Variants in CNKSR2 observed in about 807,000 individuals in gnomAD.
The protein encoded by CNKSR2 is connector enhancer of kinase suppressor of Ras 2, also known as CNK homolog protein 2.
CNKSR2 carries 14 observed loss-of-function variants against 84.4 expected under a neutral mutation model. The ratio of observed to expected loss-of-function variants is 0.17; its 90% CI spans 0.11 to 0.26. CNKSR2 has a LOEUF of 0.26. Among genes scored for constraint, CNKSR2 ranks in the 10% least tolerant of loss-of-function variants. CNKSR2 has a pLI of 1.00. For missense variants in CNKSR2, 485 were observed against 771.2 expected (o/e 0.63, Z 4.40); for synonymous variants, 275 against 277.9 (o/e 0.99, Z 0.10).
At chrX:21,562,183 G>A (rs1406464485) in intron 12 of CNKSR2, among the ~76,000 whole-genome samples, 2 of 111,138 alleles carry the variant, frequency 1.8e-5, no homozygotes, top group Non-Finnish European at 3.8e-5. Context: ...GCAACTGAAA[G>A]TTTCCCTACT....
chrX:21,454,768 G>GT (rs772523454), intron 4 of CNKSR2, among the ~76,000 whole-genome samples: 1 of 112,003 alleles, frequency 8.9e-6, no homozygotes, highest in East Asian at 2.8e-4. Flanking sequence ...AGGTACATCT[G>GT]TTTGTATAAT....
chrX:21,517,733 A>T (rs2091742666), intron 9 of CNKSR2, among the ~76,000 whole-genome samples: 1 of 111,261 alleles, frequency 9.0e-6, no homozygotes, highest in Non-Finnish European at 1.9e-5. Flanking sequence ...TTAAAAAAAA[A>T]TAGGCCCATT....
intron 1 of CNKSR2, among the ~76,000 whole-genome samples, chrX:21,419,162 C>G (rs1180862142): frequency 9.2e-6 from 1 of 108,594 alleles, no homozygotes. Flanking sequence ...TCTGCTTGAC[C>G]AAATCTGCTG....
intron 1 of CNKSR2, among the ~76,000 whole-genome samples, chrX:21,388,671 G>A (rs1425597559): frequency 1.8e-5 from 2 of 111,699 alleles, no homozygotes; most frequent in African/African-American, 3.3e-5. Flanking sequence ...CTGATAGATA[G>A]AAATGTCTAG....
At chrX:21,410,366 G>C (rs1420346338) in intron 1 of CNKSR2, among the ~76,000 whole-genome samples, 1 of 111,126 alleles carries the variant, frequency 9.0e-6, no homozygotes, top group African/African-American at 3.3e-5. Context: ...ATTATTTTGA[G>C]AAAGTCTTAT....
At chrX:21,603,292 A>G (rs1248221238) in intron 18 of CNKSR2, among the ~76,000 whole-genome samples, 1 of 112,336 alleles carries the variant, frequency 8.9e-6, no homozygotes, top group African/African-American at 3.2e-5. Context: ...TCAGAAACAT[A>G]TTAGACTTCT....
At chrX:21,417,341 T>A (rs754498631) in intron 1 of CNKSR2, among the ~76,000 whole-genome samples, 2 of 112,268 alleles carry the variant, frequency 1.8e-5, no homozygotes, top group East Asian at 5.6e-4. Context: ...TAACATGGTC[T>A]GTCTTTGAGA....
At chrX:21,590,790 C>A (rs373918783) in intron 14 of CNKSR2, 170 bp downstream of exon 14, 1 of 487,018 alleles carries the variant, frequency 2.1e-6, no homozygotes, top group East Asian at 3.7e-5. Flanking sequence ...ATACAAGGTA[C>A]CTTTTACAAC....
chrX:21,556,887 A>G (rs1312171510), intron 11 of CNKSR2, among the ~76,000 whole-genome samples: 1 of 110,479 alleles, frequency 9.1e-6, no homozygotes, highest in Non-Finnish European at 1.9e-5. Flanking sequence ...AAATTACAGC[A>G]TGTTTATATG....
chrX:21,433,221 C>T (rs748946594), intron 3 of CNKSR2, among the ~76,000 whole-genome samples: 1 of 111,681 alleles, frequency 9.0e-6, no homozygotes, highest in South Asian at 3.7e-4. Context: ...TAGACACTGA[C>T]ACCTTCATAG....
At chrX:21,625,038 A>G (rs1262545679) in intron 20 of CNKSR2, among the ~76,000 whole-genome samples, 1 of 112,052 alleles carries the variant, frequency 8.9e-6, no homozygotes, top group Non-Finnish European at 1.9e-5. Flanking sequence ...AAGCCATTTA[A>G]TTTACCCACT....
intron 5 of CNKSR2, among the ~76,000 whole-genome samples, chrX:21,483,334 C>T (rs1601846954): frequency 9.1e-6 from 1 of 110,402 alleles, no homozygotes; most frequent in East Asian, 2.9e-4. Flanking sequence ...CCAAACACTG[C>T]ATGTTCTCAC....
chrX:21,404,484 TA>T (rs905310279), intron 1 of CNKSR2, among the ~76,000 whole-genome samples: 1 of 110,540 alleles, frequency 9.0e-6, no homozygotes, highest in Admixed American at 9.7e-5. Flanking sequence ...TTATGTAATT[TA>T]AAAAAATGTG....
intron 20 of CNKSR2, among the ~76,000 whole-genome samples, chrX:21,618,305 T>TTAA (rs1241145314): frequency 5.4e-5 from 6 of 111,591 alleles, no homozygotes; most frequent in Non-Finnish European, 1.1e-4. Flanking sequence ...CTTGGCCTAA[T>TTAA]ATTTGGTCTT....
rs2092724540 is a variant in CNKSR2 at position 21,653,054 on chromosome X, TAGA to T, written c.*537_*539del. On this transcript the variant is annotated 3_prime_UTR_variant, in exon 22 of 22. Coordinates refer to ENST00000379510, the MANE Select transcript of CNKSR2 (RefSeq NM_014927.5). ...ATGCGCATACAAGAGCTAAGCAAAATAGAAGAGCATCGACATAAGAAAAGTTCA... is the reference window on the plus strand; with the variant it reads ...ATGCGCATACAAGAGCTAAGCAAAATAGAGCATCGACATAAGAAAAGTTCA... The T allele has an allele frequency of 1.8e-5, 2 of 112,258 alleles. No individual in the cohort carries two copies. The highest frequency in any genetic ancestry group is 1.9e-4 in the Admixed American group (2 of 10,590). The allele number at this position is 112,258 out of a possible 1,213,427, so 9.3% of individuals were successfully genotyped here. A position where few individuals can be genotyped will look rare whatever the true frequency, so the allele number is the denominator to read the frequency against.
intron 13 of CNKSR2, among the ~76,000 whole-genome samples, chrX:21,590,220 T>C (rs2092412201): frequency 8.9e-6 from 1 of 111,910 alleles, no homozygotes; most frequent in East Asian, 2.8e-4. Context: ...CTTACTTCAT[T>C]AGATTTTGTG....
intron 11 of CNKSR2, among the ~76,000 whole-genome samples, chrX:21,542,791 C>T (rs2091987665): frequency 8.9e-6 from 1 of 111,804 alleles, no homozygotes; most frequent in Non-Finnish European, 1.9e-5. Flanking sequence ...ACAATAATAT[C>T]ACCAAATAGT....
Position 21,426,459 on chromosome X carries a change from A to G in CNKSR2, c.65-38A>G, listed in dbSNP as rs1175006587. ...CCCTTCACATTTATTTGGTTTGACC[A>G]TGTTTTCATTCTGGTCTTTCATACT... is the stretch of plus-strand genomic sequence containing the variant. On this transcript the variant is annotated intron_variant, in intron 1 of 21. Transcript: ENST00000379510. 2.6e-6 allele frequency: 3 copies of G among 1,169,829 alleles called. No individual in the cohort carries two copies. The African/African-American group carries it at 5.3e-5, about 21-fold the overall frequency.
intron 3 of CNKSR2, among the ~76,000 whole-genome samples, chrX:21,439,147 T>G (rs916898022): frequency 7.2e-5 from 8 of 111,429 alleles, no homozygotes; most frequent in Non-Finnish European, 1.3e-4. Context: ...CAAGTACCCA[T>G]TGAACATTCA....
Sources: allele counts gnomAD v4.1 joint callset (sites outside exome capture counted in the v4.1 genomes callset), GRCh38; gene constraint gnomAD v4.1.1; transcripts MANE v1.5; gene names NCBI Gene and HGNC (gene_info 2026-07-23, HGNC 2026-07-21).